TBCE: variants seen among roughly 807,000 people sequenced by gnomAD.
TBCE encodes tubulin folding cofactor E, also known as tubulin-specific chaperone E.
TBCE carries 53 observed loss-of-function variants against 77.0 expected under a neutral mutation model. That is an observed-to-expected ratio of 0.69 (90% CI 0.55 to 0.87). The LOEUF (loss-of-function observed/expected upper bound fraction) is 0.87, where lower values mean the gene tolerates loss of function less well. Ranked by LOEUF, TBCE falls within the 40% of genes least tolerant of loss-of-function variation. The probability of loss-of-function intolerance (pLI) is 0.00; values close to 1 mark genes in which losing one functional copy is unlikely to be tolerated. For synonymous variants in TBCE, 235 were observed against 241.3 expected (o/e 0.97, Z 0.24); for missense variants, 624 against 622.4 (o/e 1.00, Z -0.03).
chr1:235,384,980 G>C (rs572347986), intron 2 of TBCE, among the ~76,000 whole-genome samples: 24 of 152,126 alleles, frequency 1.6e-4, no homozygotes, highest in African/African-American at 5.5e-4. Flanking sequence ...TCTACACACT[G>C]CTTTGAATGT....
chr1:235,420,264 A>G (rs1031481780), intron 5 of TBCE, among the ~76,000 whole-genome samples: 3 of 151,942 alleles, frequency 2.0e-5, no homozygotes, highest in Admixed American at 6.6e-5. Flanking sequence ...CTGACTGTGT[A>G]CTGGGAACCT....
chr1:235,422,283 G>A (rs1019351557), intron 5 of TBCE, among the ~76,000 whole-genome samples: 15 of 152,080 alleles, frequency 9.9e-5, no homozygotes, highest in African/African-American at 1.7e-4. Context: ...AGGCCAAGGC[G>A]GGTGGATCAC....
At position 235,442,891 on chromosome 1, in the gene TBCE, T is replaced by C. The variant is rs768158218; in HGVS notation, c.1379T>C (p.Val460Ala). The C allele has an allele frequency of 1.2e-6, 2 of 1,614,090 alleles. No homozygotes were observed. Among genetic ancestry groups the C allele is most frequent in the Non-Finnish European group, 1.7e-6 (2 of 1,180,006 alleles). The stretch of plus-strand genomic sequence containing the variant: ...TACCCTCATCAACTTGATCAGAAAG[T>C]CCTGGAGAAACAACTGCCGGGTAAG... ...IKYPHQLDQKVLEKQLPGSMT... is the reference protein window; with the variant it reads ...IKYPHQLDQKALEKQLPGSMT... The change falls in exon 15 of 17, where the codon GTC becomes GCC. Residue 460 changes from valine to alanine, a missense_variant. Coordinates refer to ENST00000642610, the MANE Select transcript of TBCE (RefSeq NM_003193.5).
At chr1:235,430,369 C>T in intron 6 of TBCE, 2 of 251,946 alleles carry the variant, frequency 7.9e-6, no homozygotes, top group Non-Finnish European at 1.6e-5. Flanking sequence ...CTTTGTTTTG[C>T]AGTATCCAGA....
intron 2 of TBCE, among the ~76,000 whole-genome samples, chr1:235,387,179 C>T (rs1222852339): frequency 4.6e-5 from 7 of 152,130 alleles, no homozygotes; most frequent in African/African-American, 4.8e-5. Flanking sequence ...GAGGAGTACC[C>T]GGCCGTGTGA....
At chr1:235,411,830 C>T (rs1329328239) in intron 3 of TBCE, among the ~76,000 whole-genome samples, 1 of 151,974 alleles carries the variant, frequency 6.6e-6, no homozygotes, top group Non-Finnish European at 1.5e-5. Flanking sequence ...ATATTTTCTC[C>T]TGTCTTAAGC....
At chr1:235,367,701 T>G (rs1676629667) in intron 1 of TBCE, 197 bp downstream of exon 1, 1 of 152,312 alleles carries the variant, frequency 6.6e-6, no homozygotes, top group Non-Finnish European at 1.5e-5. Flanking sequence ...AGGCCTTATT[T>G]AGGAGTAGCC....
chr1:235,440,024 GCA>G (rs1681740039), intron 13 of TBCE, among the ~76,000 whole-genome samples: 1 of 151,888 alleles, frequency 6.6e-6, no homozygotes, highest in Non-Finnish European at 1.5e-5. Flanking sequence ...AGGCTGGAGT[GCA>G]GTGCCGCGAT....
intron 11 of TBCE, among the ~76,000 whole-genome samples, chr1:235,436,988 G>C (rs1681493175): frequency 6.6e-6 from 1 of 152,006 alleles, no homozygotes; most frequent in South Asian, 2.1e-4. Context: ...AATTAACCGG[G>C]CGTGGTGGCG....
chr1:235,406,830 T>C (rs1235395543), intron 3 of TBCE, among the ~76,000 whole-genome samples: 3 of 31,300 alleles, frequency 9.6e-5, no homozygotes, highest in Non-Finnish European at 6.1e-5. Flanking sequence ...GCTCCTGGGC[T>C]TTTTTTTTTT....
chr1:235,390,902 A>G (rs1303964427), intron 2 of TBCE, among the ~76,000 whole-genome samples: 1 of 152,084 alleles, frequency 6.6e-6, no homozygotes, highest in African/African-American at 2.4e-5. Flanking sequence ...AAGCCTCTAG[A>G]AGCTGGAAAA....
rs1681534766 is a variant in TBCE, at chr1:235,437,430, A to G, written c.1072A>G (p.Ile358Val). 2 of 1,614,052 alleles carry G rather than the reference A, an allele frequency of 1.2e-6. No individual in the cohort carries two copies. The highest frequency in any genetic ancestry group is 3.3e-5 in the Admixed American group (2 of 59,984). Residue 358 changes from isoleucine (I) to valine (V), a missense_variant, in exon 12 of 17, where the codon ATT (isoleucine) becomes GTT (valine). By Grantham distance (29) the Ile-to-Val change is conservative (BLOSUM62 3). Transcript: ENST00000642610. Reference sequence around the variant, plus strand: ...AGAAGCAGAGACGGCGCGACTACTCATTATCGCCAGCATTGGCCAGCTGAA... The same window carrying G: ...AGAAGCAGAGACGGCGCGACTACTCGTTATCGCCAGCATTGGCCAGCTGAA... ...DKEAETARLL[I>V]IASIGQLKTL... is the part of the protein sequence containing the mutation.
In TBCE at chr1:235,451,753, T is replaced by C. The variant is rs186944195; in HGVS notation, c.*2991T>C. 7.2e-5 allele frequency: 11 copies of C among 152,310 alleles called. No homozygotes were observed. The East Asian group carries it at 2.1e-3, about 29-fold the overall frequency. The allele number at this position is 152,310 out of a possible 1,614,324, so 9.4% of individuals were successfully genotyped here. On this transcript the variant is annotated 3_prime_UTR_variant, in exon 17 of 17. Coordinates refer to ENST00000642610, the MANE Select transcript of TBCE (RefSeq NM_003193.5). ...CTAACTGACAGACACTGCATGTGCC[T>C]TCTGTCCCCTGCACCTTCGATGGCC...
intron 15 of TBCE, among the ~76,000 whole-genome samples, chr1:235,447,542 C>T (rs1051786545): frequency 2.6e-5 from 4 of 152,052 alleles, no homozygotes; most frequent in Non-Finnish European, 5.9e-5. Flanking sequence ...TACAGAATGG[C>T]GGCGCTGGAA....
chr1:235,416,179 A>AG (rs1680101064), intron 4 of TBCE: 1 of 148,458 alleles, frequency 6.7e-6, no homozygotes, highest in African/African-American at 2.5e-5. Flanking sequence ...AAAAAAAAAA[A>AG]AAAAAAAGAA....
chr1:235,398,110 A>G (rs1467034209), intron 2 of TBCE, among the ~76,000 whole-genome samples: 2 of 148,772 alleles, frequency 1.3e-5, no homozygotes, highest in Non-Finnish European at 3.0e-5. Flanking sequence ...ACCCATTCTG[A>G]TAGTTTCTAT....
chr1:235,436,831 A>G (rs1681478897), intron 11 of TBCE, among the ~76,000 whole-genome samples: 1 of 152,196 alleles, frequency 6.6e-6, no homozygotes, highest in African/African-American at 2.4e-5. Flanking sequence ...TTAATAGAGT[A>G]AAAGGGGCCG....
intron 2 of TBCE, among the ~76,000 whole-genome samples, chr1:235,400,408 CT>C (rs71174425): frequency 7.5e-5 from 8 of 106,036 alleles, no homozygotes; most frequent in Admixed American, 1.1e-4. Flanking sequence ...TATTTTTCCT[CT>C]TTTTTTTTTG....
In TBCE at chr1:235,448,354, A is replaced by T; in HGVS notation, c.1405A>T (p.Met469Leu). Residue 469 changes from methionine (M) to leucine (L), a missense_variant, in exon 16 of 17, where the codon ATG becomes TTG. Coordinates refer to ENST00000642610, the MANE Select transcript of TBCE (RefSeq NM_003193.5). ...KVLEKQLPGS[M>L]TIQKVKGLLS... is the part of the protein sequence containing the mutation. ...CTTTTCTTGTCTTTTGATAGGCTCCATGACAATTCAAAAGGTGAAGGGATT... is the reference window on the plus strand; with the variant it reads ...CTTTTCTTGTCTTTTGATAGGCTCCTTGACAATTCAAAAGGTGAAGGGATT... 1 of 1,613,980 alleles carries T rather than the reference A, an allele frequency of 6.2e-7. No individual in the cohort carries two copies. Among genetic ancestry groups the T allele is most frequent in the East Asian group, 2.2e-5 (1 of 44,888 alleles).
Sources: gnomAD v4.1 joint callset for allele counts (sites outside exome capture counted in the v4.1 genomes callset) on GRCh38, gnomAD v4.1.1 for gene constraint, MANE v1.5 for transcripts, NCBI Gene and HGNC (gene_info 2026-07-23, HGNC 2026-07-21) for gene names.